The following METAP1D variants were observed in gnomAD, a reference collection of about 807,000 sequenced individuals.
The protein encoded by METAP1D is methionyl aminopeptidase type 1D, mitochondrial.
METAP1D carries 31 observed loss-of-function variants against 40.5 expected under a neutral mutation model. The ratio of observed to expected loss-of-function variants is 0.77; its 90% CI spans 0.58 to 1.03. The LOEUF (loss-of-function observed/expected upper bound fraction) is 1.03. Ranked by LOEUF, METAP1D falls within the 50% of genes least tolerant of loss-of-function variation. The pLI, the probability that METAP1D is intolerant of heterozygous loss-of-function variation, is 0.00. For synonymous variants in METAP1D, 151 were observed against 146.4 expected, an observed-to-expected ratio of 1.03 and a Z score of -0.22; for missense variants, 411 against 420.7, an observed-to-expected ratio of 0.98 and a Z score of 0.20.
intron 3 of METAP1D, 88 bp downstream of exon 3, chr2:172,063,948 T>A: frequency 7.3e-7 from 1 of 1,365,372 alleles, no homozygotes; most frequent in Non-Finnish European, 9.5e-7. Context: ...TTCTTTTAGG[T>A]TGACATCTAA....
At position 172,045,813 on chromosome 2, in the gene METAP1D, GTGTGTGTATATATATATA is replaced by G. The variant is rs1376715327; in HGVS notation, c.41-15683_41-15666del. Among the ~76,000 whole-genome samples, 224 of 39,366 alleles carry G rather than the reference GTGTGTGTATATATATATA, an allele frequency of 5.7e-3. 1 individual carries two copies. Among genetic ancestry groups the G allele is most frequent in the Middle Eastern group, 0.013 (1 of 76 alleles). The allele number at this position is 39,366 out of a possible 152,430, so 25.8% of individuals were successfully genotyped here. On this transcript the variant is annotated intron_variant, in intron 1 of 9. Transcript: ENST00000315796. ...TATGTATATATGTGTGTGTGTGTGT[GTGTGTGTATATATATATA>G]TATATATATATATATATATATATAT...
At chr2:172,080,295 T>G (rs1272487943) in intron 9 of METAP1D, 33 bp from the exon 10 acceptor site, 1 of 1,614,154 alleles carries the variant, frequency 6.2e-7, no homozygotes, top group African/African-American at 1.3e-5. Context: ...GGAGCTTGCG[T>G]GCGCGTTCTG....
chr2:172,006,372 A>T (rs1688584399), intron 1 of METAP1D, among the ~76,000 whole-genome samples: 1 of 152,014 alleles, frequency 6.6e-6, no homozygotes, highest in Admixed American at 6.6e-5. Flanking sequence ...TTTAGTAGAG[A>T]TGGGGTTTCA....
chr2:172,016,134 G>T (rs1423316746), intron 1 of METAP1D, among the ~76,000 whole-genome samples: 18 of 146,104 alleles, frequency 1.2e-4, no homozygotes, highest in Non-Finnish European at 2.5e-4. Context: ...AAATTAGCTG[G>T]GCGCGGTCAC....
intron 1 of METAP1D, among the ~76,000 whole-genome samples, chr2:172,008,310 A>G (rs1192035977): frequency 6.6e-6 from 1 of 152,186 alleles, no homozygotes; most frequent in Non-Finnish European, 1.5e-5. Context: ...TTTACAAATG[A>G]CAATATTTTA....
chr2:172,074,123 C>T (rs1462896927), intron 6 of METAP1D, among the ~76,000 whole-genome samples: 2 of 152,040 alleles, frequency 1.3e-5, no homozygotes, highest in African/African-American at 4.8e-5. Flanking sequence ...ATTTCTAAAT[C>T]TGTATTTTTA....
chr2:172,082,311 T>G lies in METAP1D; in HGVS notation c.*1905T>G, dbSNP rs1690738233. 1 of 152,224 alleles carries G rather than the reference T, an allele frequency of 6.6e-6. No homozygotes were observed. The highest frequency in any genetic ancestry group is 1.5e-5 in the Non-Finnish European group (1 of 68,040). 9.4% of individuals were successfully genotyped at this position (152,224 alleles called of 1,614,324 possible). A position where few individuals can be genotyped will look rare whatever the true frequency, so the allele number is the denominator to read the frequency against. ...CGAGGTTCCCCAAGGATAGTTTTAT[T>G]AGGACCACAGGACTTTACTAACCAC... On this transcript the variant is annotated 3_prime_UTR_variant, in exon 10 of 10. Coordinates refer to ENST00000315796, the MANE Select transcript of METAP1D (RefSeq NM_199227.3).
intron 1 of METAP1D, among the ~76,000 whole-genome samples, chr2:172,030,292 A>G (rs1315892919): frequency 6.6e-6 from 1 of 151,604 alleles, no homozygotes; most frequent in African/African-American, 2.4e-5. Flanking sequence ...GGGTTTCTTT[A>G]TGTTGGTCAG....
chr2:172,063,350 T>G (rs1219934342), intron 2 of METAP1D, among the ~76,000 whole-genome samples: 1 of 152,234 alleles, frequency 6.6e-6, no homozygotes, highest in Non-Finnish European at 1.5e-5. Context: ...ATTAACCATT[T>G]GGTGAATTGG....
chr2:172,071,012 G>T lies in METAP1D; in HGVS notation c.646G>T (p.Glu216Ter), dbSNP rs370908996. Residue 216 changes from glutamate to a stop codon, truncating the protein, a stop_gained, in exon 6 of 10, where the codon GAA becomes TAA. Transcript: ENST00000315796. LOFTEE classifies it high-confidence loss of function. ...GGAGGTTGCCAGGAGGTGTAGAGAT[G>T]AAGCAATTGCAGCTTGCAGAGCAGG... ...LVEVARRCRD[E>*]AIAACRAGAP... 4 of 1,612,998 alleles carry T rather than the reference G, an allele frequency of 2.5e-6. No homozygotes were observed. The highest frequency in any genetic ancestry group is 3.4e-6 in the Non-Finnish European group (4 of 1,179,336).
intron 1 of METAP1D, among the ~76,000 whole-genome samples, chr2:172,020,677 A>G (rs1688986415): frequency 1.3e-5 from 2 of 152,226 alleles, no homozygotes; most frequent in South Asian, 4.1e-4. Flanking sequence ...TAAGCAAATA[A>G]AATAAGTAAA....
At position 172,061,614 on chromosome 2, in the gene METAP1D, GT is replaced by G; in HGVS notation, c.161del (p.Leu54CysfsTer15). ...RRQRDISHSI[V>X]LPAAVSSAHP... is the part of the protein sequence containing the mutation. ...ACAAAGAGATATTTCACACAGTATAGTTTTGCCGGCTGCAGTTTCTTCAGCT... is the reference window on the plus strand; with the variant it reads ...ACAAAGAGATATTTCACACAGTATAGTTTGCCGGCTGCAGTTTCTTCAGCT... On this transcript the variant is annotated frameshift_variant, in exon 2 of 10. Transcript: ENST00000315796. LOFTEE classifies it high-confidence loss of function. 6.2e-7 allele frequency: 1 copy of G among 1,613,380 alleles called. No homozygotes were observed. The highest frequency in any genetic ancestry group is 8.5e-7 in the Non-Finnish European group (1 of 1,179,718).
At chr2:172,080,262 G>T in intron 9 of METAP1D, 56 bp downstream of exon 9, 4 of 1,613,886 alleles carry the variant, frequency 2.5e-6, no homozygotes, top group Non-Finnish European at 2.5e-6. Flanking sequence ...AGATTGGTCC[G>T]ACGGCGCGCT....
intron 1 of METAP1D, among the ~76,000 whole-genome samples, chr2:172,013,023 A>G (rs1688765269): frequency 6.6e-6 from 1 of 152,142 alleles, no homozygotes; most frequent in South Asian, 2.1e-4. Flanking sequence ...AATTTAGGGG[A>G]AGAAAAATCA....
rs201724227 is a variant in METAP1D at position 172,024,756 on chromosome 2, G to GTGTGTGTA, written c.40+24754_40+24755insATGTGTGT. 7.4e-5 allele frequency among the ~76,000 whole-genome samples: 9 copies of GTGTGTGTA among 120,948 alleles called. No homozygotes were observed. In the East Asian group the frequency reaches 3.6e-3, roughly 49 times the overall value. 79.3% of individuals were successfully genotyped at this position (120,948 alleles called of 152,430 possible). On this transcript the variant is annotated intron_variant, in intron 1 of 9. Transcript: ENST00000315796. ...TTTTAAAGACATATAGATTGTGTGT[G>GTGTGTGTA]TGTGTGTGTGTGTGTGTGTGTGTGT...
At chr2:172,004,364 C>T (rs963390573) in intron 1 of METAP1D, among the ~76,000 whole-genome samples, 1 of 151,752 alleles carries the variant, frequency 6.6e-6, no homozygotes, top group Non-Finnish European at 1.5e-5. Context: ...TGCTCTGTTG[C>T]CCAGGCTGGA....
chr2:172,004,528 T>G (rs539419852), intron 1 of METAP1D, among the ~76,000 whole-genome samples: 1 of 152,214 alleles, frequency 6.6e-6, no homozygotes, highest in Non-Finnish European at 1.5e-5. Flanking sequence ...TTTCGCCATG[T>G]TGGCCAGGCT....
intron 1 of METAP1D, among the ~76,000 whole-genome samples, chr2:172,020,283 C>T (rs1488290351): frequency 1.3e-5 from 2 of 152,222 alleles, no homozygotes. Context: ...CCGCGCCCGG[C>T]CTAACCTCAG....
chr2:172,080,263 A>G lies in METAP1D; in HGVS notation c.929+57A>G, dbSNP rs1007584107. 98 of 1,613,784 alleles carry G rather than the reference A, an allele frequency of 6.1e-5. 2 individuals carry two copies. In the South Asian group the frequency reaches 7.2e-4, roughly 12 times the overall value. On this transcript the variant is annotated intron_variant, in intron 9 of 9. Transcript: ENST00000315796. ...TGTATGGGAAAGGAAGATTGGTCCGACGGCGCGCTTGTGGCCCGGCCGGAG... is the reference window on the plus strand; with the variant it reads ...TGTATGGGAAAGGAAGATTGGTCCGGCGGCGCGCTTGTGGCCCGGCCGGAG...
Sources: allele counts gnomAD v4.1 joint callset (sites outside exome capture counted in the v4.1 genomes callset), GRCh38; gene constraint gnomAD v4.1.1; transcripts MANE v1.5; gene names NCBI Gene and HGNC (gene_info 2026-07-23, HGNC 2026-07-21).